The following HIPK2 variants were observed in gnomAD, a reference collection of about 807,000 sequenced individuals.
HIPK2 encodes homeodomain-interacting protein kinase 2.
Under a neutral mutation model 113.7 loss-of-function variants are expected in HIPK2, and 27 were observed. The observed-to-expected ratio is 0.24, with a 90% CI of 0.17 to 0.33. The LOEUF is 0.33. Ranked by LOEUF, HIPK2 falls within the 10% of genes least tolerant of loss-of-function variation. The pLI is 1.00. For synonymous variants in HIPK2, 631 were observed against 642.2 expected (o/e 0.98, Z 0.26); for missense variants, 1,257 against 1,588.0 (o/e 0.79, Z 3.54).
intron 1 of HIPK2, among the ~76,000 whole-genome samples, chr7:139,758,096 G>A (rs1157740504): frequency 1.3e-5 from 2 of 152,188 alleles, no homozygotes; most frequent in African/African-American, 2.4e-5. Flanking sequence ...TAAATTTAAT[G>A]TGATCCCAAT....
chr7:139,626,812 A>G, intron 5 of HIPK2, 27 bp from the exon 6 acceptor site: 1 of 1,612,290 alleles, frequency 6.2e-7, no homozygotes, highest in Middle Eastern at 1.7e-4. Flanking sequence ...ACAGGTTACC[A>G]AGGAAGACCC....
intron 6 of HIPK2, among the ~76,000 whole-genome samples, chr7:139,621,321 T>C (rs1800226648): frequency 1.3e-5 from 2 of 152,344 alleles, no homozygotes; most frequent in South Asian, 4.1e-4. Flanking sequence ...CCTTCGTGTA[T>C]ACACATACGT....
chr7:139,723,179 GT>G (rs1383894538), intron 1 of HIPK2, among the ~76,000 whole-genome samples: 1 of 146,586 alleles, frequency 6.8e-6, no homozygotes, highest in Non-Finnish European at 1.5e-5. Flanking sequence ...CACAGTTACG[GT>G]TTTTTTCTTT....
chr7:139,734,599 GT>G (rs1795886817), intron 1 of HIPK2, among the ~76,000 whole-genome samples: 1 of 152,214 alleles, frequency 6.6e-6, no homozygotes, highest in Non-Finnish European at 1.5e-5. Context: ...GAATATTTAA[GT>G]TCTGACATCA....
intron 1 of HIPK2, among the ~76,000 whole-genome samples, chr7:139,758,450 T>A (rs920399040): frequency 1.3e-5 from 2 of 151,486 alleles, no homozygotes; most frequent in Non-Finnish European, 2.9e-5. Context: ...CCTCAGAACA[T>A]ACTCTAAAAC....
chr7:139,563,570 T>G lies in HIPK2; in HGVS notation c.*9357A>C. Reference sequence around the variant, plus strand: ...AAATGAACAAAAGGCAATTTCTATGTTTTAAAAATATAAGCCCCAAAAACA... The same window carrying G: ...AAATGAACAAAAGGCAATTTCTATGGTTTAAAAATATAAGCCCCAAAAACA... On this transcript the variant is annotated 3_prime_UTR_variant, in exon 15 of 15. Coordinates refer to ENST00000406875, the MANE Select transcript of HIPK2 (RefSeq NM_022740.5). The G allele has an allele frequency of 2.8e-6, 1 of 356,678 alleles. No individual in the cohort carries two copies. The highest frequency in any genetic ancestry group is 5.0e-6 in the Non-Finnish European group (1 of 200,992). 22.1% of individuals were successfully genotyped at this position (356,678 alleles called of 1,614,324 possible).
intron 6 of HIPK2, among the ~76,000 whole-genome samples, chr7:139,623,910 C>A (rs923509839): frequency 8.5e-5 from 13 of 152,196 alleles, no homozygotes; most frequent in Non-Finnish European, 1.9e-4. Context: ...CTTGAGCACA[C>A]CCCTTTTCCC....
chr7:139,627,298 C>CTATG (rs34240424), intron 5 of HIPK2, among the ~76,000 whole-genome samples: 79,413 of 148,406 alleles, frequency 0.54, 21,342 homozygotes, highest in South Asian at 0.59. Context: ...ACAAAAAAGT[C>CTATG]TATGTATGTA....
At chr7:139,671,024 G>C (rs1046971026) in intron 2 of HIPK2, among the ~76,000 whole-genome samples, 1 of 151,928 alleles carries the variant, frequency 6.6e-6, no homozygotes, top group African/African-American at 2.4e-5. Context: ...GCCTCCCCAA[G>C]TGCTGGGATT....
chr7:139,594,588 T>C (rs553632657), intron 12 of HIPK2, among the ~76,000 whole-genome samples: 11 of 152,340 alleles, frequency 7.2e-5, no homozygotes, highest in South Asian at 2.1e-4. Flanking sequence ...TCCTACCTTC[T>C]TGAGTGCAAA....
At chr7:139,761,639 A>G (rs1055305730) in intron 1 of HIPK2, among the ~76,000 whole-genome samples, 3 of 152,218 alleles carry the variant, frequency 2.0e-5, no homozygotes. Context: ...CTTCAATAAG[A>G]GACTGTGCTG....
chr7:139,701,479 C>T (rs1794706083), intron 2 of HIPK2, among the ~76,000 whole-genome samples: 1 of 152,158 alleles, frequency 6.6e-6, no homozygotes, highest in Non-Finnish European at 1.5e-5. Flanking sequence ...TGAGCTGTGG[C>T]AAAGTCATGT....
intron 1 of HIPK2, among the ~76,000 whole-genome samples, chr7:139,753,074 T>C (rs1161252108): frequency 6.6e-6 from 1 of 152,188 alleles, no homozygotes; most frequent in Non-Finnish European, 1.5e-5. Context: ...CTCTTTACAG[T>C]AGTCAGATGG....
At chr7:139,777,069 G>A (rs557417511) in intron 1 of HIPK2, 2 of 152,324 alleles carry the variant, frequency 1.3e-5, no homozygotes, top group African/African-American at 2.4e-5. Context: ...GCCTGGCTCT[G>A]ACATGGACTT....
In HIPK2 at chr7:139,744,014, T is replaced by A. The variant is rs550258831; in HGVS notation, c.20-26999A>T. ...AGAGAAGACATACAAATGGTCAATA[T>A]GCACAGGATGATCATTATTAATTAT... On this transcript the variant is annotated intron_variant, in intron 1 of 14. Coordinates refer to ENST00000406875, the MANE Select transcript of HIPK2 (RefSeq NM_022740.5). Among the ~76,000 whole-genome samples, 123 of 152,288 alleles carry A rather than the reference T, an allele frequency of 8.1e-4. 1 individual carries two copies. Among genetic ancestry groups the A allele is most frequent in the African/African-American group, 2.7e-3 (114 of 41,546 alleles).
At position 139,633,095 on chromosome 7, in the gene HIPK2, C is replaced by CAAAAAAAAAAAAAA. The variant is rs942820284; in HGVS notation, c.1104-1384_1104-1371dup. Among the ~76,000 whole-genome samples, 89 of 74,626 alleles carry CAAAAAAAAAAAAAA rather than the reference C, an allele frequency of 1.2e-3. 1 individual carries two copies. Among genetic ancestry groups the CAAAAAAAAAAAAAA allele is most frequent in the African/African-American group, 3.9e-3 (86 of 22,234 alleles). The allele number at this position is 74,626 out of a possible 152,430, so 49.0% of individuals were successfully genotyped here. Reference sequence around the variant, plus strand: ...TGGACGACAGAAATAGACCCTGTCTCAAAAAAAAAAAAAAAAAAAAAAAAG... The same window carrying CAAAAAAAAAAAAAA: ...TGGACGACAGAAATAGACCCTGTCTCAAAAAAAAAAAAAAAAAAAAAAAAAAAAAAAAAAAAAAG... On this transcript the variant is annotated intron_variant, in intron 2 of 14. Transcript: ENST00000406875.
Position 139,714,236 on chromosome 7 carries a change from C to G in HIPK2, c.1103+1696G>C, listed in dbSNP as rs1442668947. ...GAGAAGAGGCTCGCAGAGAGCTGTT[C>G]TAACTCAGGAAATGCCTCCTAAAGG... On this transcript the variant is annotated intron_variant, in intron 2 of 14. Coordinates refer to ENST00000406875, the MANE Select transcript of HIPK2 (RefSeq NM_022740.5). The surrounding 1 kb of genome is among the most constrained non-coding windows in gnomAD (Gnocchi z 4.2). Among the ~76,000 whole-genome samples, 1 of 152,206 alleles carries G rather than the reference C, an allele frequency of 6.6e-6. No homozygotes were observed. Among genetic ancestry groups the G allele is most frequent in the Non-Finnish European group, 1.5e-5 (1 of 68,030 alleles).
chr7:139,767,487 T>G (rs1048426991), intron 1 of HIPK2, among the ~76,000 whole-genome samples: 5 of 151,618 alleles, frequency 3.3e-5, no homozygotes, highest in African/African-American at 1.2e-4. Flanking sequence ...AATAAATAGG[T>G]GGAAGCAGAG....
At chr7:139,584,212 CT>C in intron 12 of HIPK2, 148 bp from the exon 13 acceptor site, 1 of 1,076,860 alleles carries the variant, frequency 9.3e-7, no homozygotes, top group Non-Finnish European at 1.3e-6. Flanking sequence ...CATAGGGAGA[CT>C]GGGCATGCAA....
Sources: allele counts gnomAD v4.1 joint callset (sites outside exome capture counted in the v4.1 genomes callset), GRCh38; gene constraint gnomAD v4.1.1; non-coding constraint Gnocchi (gnomAD v3.1); transcripts MANE v1.5; gene names NCBI Gene and HGNC (gene_info 2026-07-23, HGNC 2026-07-21).